Variants in FAT1 observed in about 807,000 individuals in gnomAD.
The protein encoded by FAT1 is FAT atypical cadherin 1, also known as protocadherin Fat 1.
Under a neutral mutation model 329.8 loss-of-function variants are expected in FAT1, and 171 were observed. The observed-to-expected ratio is 0.52, with a 90% CI of 0.46 to 0.59. The LOEUF is 0.59. Among genes scored for constraint, FAT1 ranks in the 20% least tolerant of loss-of-function variants. FAT1 has a pLI of 0.00. For missense variants in FAT1, 5,672 were observed against 5,774.4 expected, an observed-to-expected ratio of 0.98 and a Z score of 0.57; for synonymous variants, 2,233 against 2,228.6, an observed-to-expected ratio of 1.00 and a Z score of -0.06.
At chr4:186,719,258 T>C (rs1745356691) in intron 1 of FAT1, among the ~76,000 whole-genome samples, 1 of 152,158 alleles carries the variant, frequency 6.6e-6, no homozygotes, top group Admixed American at 6.5e-5. Flanking sequence ...GTAACATTCC[T>C]CCTAAAATAC....
chr4:186,636,646 G>C lies in FAT1; in HGVS notation c.3911C>G (p.Pro1304Arg), dbSNP rs370770859. 2.5e-6 allele frequency: 4 copies of C among 1,613,830 alleles called. No individual in the cohort carries two copies. The highest frequency in any genetic ancestry group is 3.4e-6 in the Non-Finnish European group (4 of 1,179,856). The change falls in exon 5 of 27, where the codon CCG becomes CGG. Residue 1304 changes from proline to arginine, a missense_variant. This residue lies in a region of FAT1 where 3,966 missense variants were observed against 3,915.2 expected (regional missense o/e 1.01). Coordinates refer to ENST00000441802, the MANE Select transcript of FAT1 (RefSeq NM_005245.4). ...CTTGGACGAAACCACTCCAGTTTTC[G>C]GTTCGATGAAAAATTTGCCATGCTC... is the stretch of plus-strand genomic sequence containing the variant. ...GNEHGKFFIE[P>R]KTGVVSSKRF...
rs1413516819 is a variant in FAT1, at chr4:186,596,953, A to G, written c.12587T>C (p.Val4196Ala). 4 of 1,613,990 alleles carry G rather than the reference A, an allele frequency of 2.5e-6. No homozygotes were observed. The highest frequency in any genetic ancestry group is 3.3e-5 in the Admixed American group (2 of 60,028). Reference protein sequence around the residue: ...VVFVAGIFLLVVVFVLCRKMI... With the variant: ...VVFVAGIFLLAVVFVLCRKMI... The stretch of plus-strand genomic sequence containing the variant: ...CTTACGGCAGAGAACAAACACCACC[A>G]CCAGTAAAAATATCCCTGCAACAAA... Residue 4196 changes from valine to alanine, a missense_variant, in exon 25 of 27, where the codon GTG becomes GCG. Physicochemically the swap from Val to Ala is moderately conservative, Grantham distance 64. Coordinates refer to ENST00000441802, the MANE Select transcript of FAT1 (RefSeq NM_005245.4). This position sits in a 1 kb window ranked among gnomAD's most constrained non-coding sequence, Gnocchi z 4.7.
chr4:186,657,036 G>C (rs1388927428), intron 3 of FAT1, among the ~76,000 whole-genome samples: 1 of 152,052 alleles, frequency 6.6e-6, no homozygotes, highest in Non-Finnish European at 1.5e-5. Flanking sequence ...ATCAGGCAAA[G>C]AAAGACAAGG....
At chr4:186,703,840 A>G (rs538277525) in intron 2 of FAT1, among the ~76,000 whole-genome samples, 72 of 152,298 alleles carry the variant, frequency 4.7e-4, no homozygotes, top group Non-Finnish European at 7.2e-4. Flanking sequence ...CACTTCCTTC[A>G]TGCCCTAGAA....
intron 2 of FAT1, among the ~76,000 whole-genome samples, chr4:186,688,984 A>AT (rs1160363470): frequency 2.0e-5 from 3 of 152,248 alleles, no homozygotes; most frequent in Admixed American, 2.0e-4. Context: ...TCTGAAAAGA[A>AT]TAAACAGGCC....
At chr4:186,695,534 A>AT (rs1211487533) in intron 2 of FAT1, among the ~76,000 whole-genome samples, 2 of 152,182 alleles carry the variant, frequency 1.3e-5, no homozygotes, top group African/African-American at 4.8e-5. Flanking sequence ...AACAATAGTT[A>AT]TTTAGATAAG....
chr4:186,609,155 A>G, intron 16 of FAT1, 28 bp downstream of exon 16: 1 of 1,606,896 alleles, frequency 6.2e-7, no homozygotes, highest in South Asian at 1.1e-5. Context: ...TGATTTGTAA[A>G]CAACGTAAAT....
intron 2 of FAT1, among the ~76,000 whole-genome samples, chr4:186,694,947 G>A (rs1743956950): frequency 6.6e-6 from 1 of 152,192 alleles, no homozygotes; most frequent in Non-Finnish European, 1.5e-5. Flanking sequence ...GGGCAACAGA[G>A]CGAGACTCCA....
In FAT1 at chr4:186,588,668, T is replaced by C. The variant is rs770217697; in HGVS notation, c.13691A>G (p.Tyr4564Cys). 28 of 1,613,862 alleles carry C rather than the reference T, an allele frequency of 1.7e-5. No individual in the cohort carries two copies. Among genetic ancestry groups the C allele is most frequent in the African/African-American group, 4.0e-5 (3 of 74,912 alleles). Residue 4564 changes from tyrosine (Y) to cysteine (C), a missense_variant, in exon 27 of 27, where the codon TAT becomes TGT. Physicochemically the swap from Tyr to Cys is radical, Grantham distance 194. This residue lies in a region of FAT1 where 1,706 missense variants were observed against 1,859.1 expected (regional missense o/e 0.92). Transcript: ENST00000441802. ...EVESEVMMSD[Y>C]ESGDDGHFEE... ...GAAGTGGCCGTCGTCCCCGCTCTCA[T>C]AGTCACTCATCATGACCTCGGACTC...
At chr4:186,598,976 C>T (rs992429195) in intron 22 of FAT1, among the ~76,000 whole-genome samples, 4 of 152,198 alleles carry the variant, frequency 2.6e-5, no homozygotes, top group African/African-American at 9.6e-5. Flanking sequence ...GGATGAAGAA[C>T]TGTGGTGCCC....
At chr4:186,659,060 T>C (rs1313457334) in intron 3 of FAT1, among the ~76,000 whole-genome samples, 4 of 152,178 alleles carry the variant, frequency 2.6e-5, no homozygotes, top group Admixed American at 2.6e-4. Context: ...TTGTGAAAGA[T>C]TAATACCACA....
At chr4:186,683,122 G>A (rs906429505) in intron 2 of FAT1, among the ~76,000 whole-genome samples, 1 of 152,124 alleles carries the variant, frequency 6.6e-6, no homozygotes, top group Non-Finnish European at 1.5e-5. Flanking sequence ...TATTCCCTCT[G>A]ATTAAAAATT....
At chr4:186,726,607 G>A (rs1248243055), upstream of FAT1, 1 of 152,288 alleles carries the variant, frequency 6.6e-6, no homozygotes, top group Non-Finnish European at 1.5e-5. Context: ...GCCGGAACGA[G>A]GGCCCGGGAG....
chr4:186,686,915 T>C (rs1743496054), intron 2 of FAT1, among the ~76,000 whole-genome samples: 1 of 152,196 alleles, frequency 6.6e-6, no homozygotes, highest in African/African-American at 2.4e-5. Flanking sequence ...TTAAATTTAA[T>C]TTGACAAGCC....
chr4:186,683,214 C>T (rs1307513620), intron 2 of FAT1, among the ~76,000 whole-genome samples: 1 of 152,192 alleles, frequency 6.6e-6, no homozygotes, highest in East Asian at 1.9e-4. Context: ...TGCAAAAATC[C>T]TTAACACATG....
At chr4:186,640,492 TATATTA>T (rs1462272505) in intron 3 of FAT1, among the ~76,000 whole-genome samples, 1 of 152,214 alleles carries the variant, frequency 6.6e-6, no homozygotes, top group African/African-American at 2.4e-5. Context: ...CTTCTATAAC[TATATTA>T]ATAAGGACTA....
chr4:186,678,330 G>T (rs929318014), intron 2 of FAT1, among the ~76,000 whole-genome samples: 1 of 151,596 alleles, frequency 6.6e-6, no homozygotes, highest in Non-Finnish European at 1.5e-5. Flanking sequence ...ATAGCTAGGC[G>T]CAGTGGCTCA....
chr4:186,614,755 A>G (rs1463422009), intron 11 of FAT1, among the ~76,000 whole-genome samples: 1 of 151,522 alleles, frequency 6.6e-6, no homozygotes, highest in Admixed American at 6.6e-5. Flanking sequence ...ACAGGAATTT[A>G]TTTTTTGCAA....
At chr4:186,606,635 C>T (rs1232766811) in intron 16 of FAT1, among the ~76,000 whole-genome samples, 1 of 152,176 alleles carries the variant, frequency 6.6e-6, no homozygotes, top group African/African-American at 2.4e-5. Flanking sequence ...TGAGCTGCCT[C>T]CCGCACCTTA....
Sources: allele counts gnomAD v4.1 joint callset (sites outside exome capture counted in the v4.1 genomes callset), GRCh38; gene constraint gnomAD v4.1.1; regional missense constraint gnomAD v4.1.1; non-coding constraint Gnocchi (gnomAD v3.1); transcripts MANE v1.5; gene names NCBI Gene and HGNC (gene_info 2026-07-23, HGNC 2026-07-21).